The following CAVIN1 variants were observed in gnomAD, a reference collection of about 807,000 sequenced individuals.
The protein encoded by CAVIN1 is caveolae associated protein 1.
A neutral mutation model predicts 24.0 loss-of-function variants in CAVIN1; 16 were observed. That is an observed-to-expected ratio of 0.67 (90% CI 0.45 to 1.01). CAVIN1 has a LOEUF of 1.01. CAVIN1 is among the 50% of genes least tolerant of loss of function. CAVIN1 has a pLI of 0.00. For missense variants in CAVIN1, 510 were observed against 551.7 expected (o/e 0.92, Z 0.76); for synonymous variants, 256 against 256.4 (o/e 1.00, Z 0.02).
rs557826427 is a variant in CAVIN1 at position 42,413,980 on chromosome 17, C to T, written c.472-8592G>A. 2.0e-4 allele frequency among the ~76,000 whole-genome samples: 30 copies of T among 152,262 alleles called. 1 individual carries two copies. Among genetic ancestry groups the T allele is most frequent in the African/African-American group, 6.5e-4 (27 of 41,558 alleles). The stretch of plus-strand genomic sequence containing the variant: ...TGGCGTGATCTTGGCTCACTGCAAC[C>T]TCTGCCTCCTGAGTTCAAGTGATTC... On this transcript the variant is annotated intron_variant, in intron 1 of 1. Coordinates refer to ENST00000357037, the MANE Select transcript of CAVIN1 (RefSeq NM_012232.6).
rs1598574208 is a variant in CAVIN1 at position 42,410,986 on chromosome 17, G to A, written c.472-5598C>T. Among the ~76,000 whole-genome samples the A allele has an allele frequency of 2.1e-5, 3 of 144,646 alleles. No individual in the cohort carries two copies. In the East Asian group the frequency reaches 6.2e-4, roughly 30 times the overall value. 94.9% of individuals were successfully genotyped at this position (144,646 alleles called of 152,430 possible). A position where few individuals can be genotyped will look rare whatever the true frequency, so the allele number is the denominator to read the frequency against. On this transcript the variant is annotated intron_variant, in intron 1 of 1. Coordinates refer to ENST00000357037, the MANE Select transcript of CAVIN1 (RefSeq NM_012232.6). ...TGTAATCCCAGAATTTTGGGAGGCGGGGCAGATCACCTGAGGTCAGGAGTT... is the reference window on the plus strand; with the variant it reads ...TGTAATCCCAGAATTTTGGGAGGCGAGGCAGATCACCTGAGGTCAGGAGTT...
At chr17:42,418,072 G>C (rs2085522752) in intron 1 of CAVIN1, among the ~76,000 whole-genome samples, 1 of 152,060 alleles carries the variant, frequency 6.6e-6, no homozygotes, top group Non-Finnish European at 1.5e-5. Flanking sequence ...TGTAGCCTAG[G>C]AGCAATAGGC....
rs757243784 is a variant in CAVIN1 at position 42,422,756 on chromosome 17, C to A, written c.342G>T (p.Val114=). The A allele has an allele frequency of 5.6e-6, 9 of 1,612,728 alleles. No individual in the cohort carries two copies. Among genetic ancestry groups the A allele is most frequent in the Non-Finnish European group, 7.6e-6 (9 of 1,179,568 alleles). ...TCTTCACGTTGACGCTGACCTTGCG[C>A]ACCTTCTCCAGCAGCTTGCTCACCG... The part of the protein sequence containing the change: ...SNTVSKLLEK[V]RKVSVNVKTV... The change falls in exon 1 of 2, where the codon GTG becomes GTT. Residue 114 remains valine (V), a synonymous_variant. Coordinates refer to ENST00000357037, the MANE Select transcript of CAVIN1 (RefSeq NM_012232.6).
At chr17:42,419,305 G>A (rs1000727800) in intron 1 of CAVIN1, among the ~76,000 whole-genome samples, 63 of 150,190 alleles carry the variant, frequency 4.2e-4, no homozygotes, top group African/African-American at 1.5e-3. Flanking sequence ...ATTTATTGTT[G>A]TTATTATTAT....
chr17:42,415,535 C>T (rs1024953101), intron 1 of CAVIN1, among the ~76,000 whole-genome samples: 1 of 151,694 alleles, frequency 6.6e-6, no homozygotes, highest in Non-Finnish European at 1.5e-5. Context: ...TGTGGAGAAA[C>T]CCCATCTCCA....
chr17:42,405,675 T>G lies in CAVIN1; in HGVS notation c.472-287A>C, dbSNP rs56387576. On this transcript the variant is annotated intron_variant, in intron 1 of 1. Coordinates refer to ENST00000357037, the MANE Select transcript of CAVIN1 (RefSeq NM_012232.6). ...CGCGTCGCCATTCTTTCTCTCTCTC[T>G]CTCCTTGTTTTTTTTTTTTTTTTTT... Among the ~76,000 whole-genome samples, 111,608 of 142,232 alleles carry G rather than the reference T, an allele frequency of 0.78. 45,947 individuals are homozygous for G. Among genetic ancestry groups the G allele is most frequent in the East Asian group, 0.98 (4,804 of 4,896 alleles). 93.3% of individuals were successfully genotyped at this position (142,232 alleles called of 152,430 possible). A position where few individuals can be genotyped will look rare whatever the true frequency, so the allele number is the denominator to read the frequency against.
intron 1 of CAVIN1, among the ~76,000 whole-genome samples, chr17:42,411,166 C>T (rs1251358439): frequency 2.7e-5 from 3 of 110,908 alleles, no homozygotes; most frequent in African/African-American, 1.0e-4. Context: ...GCACTCCAAC[C>T]TGGGTGACAG....
intron 1 of CAVIN1, among the ~76,000 whole-genome samples, chr17:42,413,563 AGG>A (rs145157201): frequency 1.7e-4 from 12 of 71,816 alleles, no homozygotes; most frequent in Non-Finnish European, 2.8e-4. Flanking sequence ...TGTCTCAAAA[AGG>A]GAAAAAAAAA....
In CAVIN1 at chr17:42,404,942, C is replaced by T. The variant is rs2085433531; in HGVS notation, c.918G>A (p.Val306=). Reference sequence around the variant, plus strand: ...CCGCGGTCTTGGAGCGCGCGTACACCACGTGGTCGGGCGTGAAGGATTTGC... The same window carrying T: ...CCGCGGTCTTGGAGCGCGCGTACACTACGTGGTCGGGCGTGAAGGATTTGC... ...KLRKSFTPDH[V]VYARSKTAVY... Residue 306 remains valine, a synonymous_variant, in exon 2 of 2, where the codon GTG becomes GTA. Transcript: ENST00000357037. 6.2e-7 allele frequency: 1 copy of T among 1,614,018 alleles called. No individual in the cohort carries two copies. The highest frequency in any genetic ancestry group is 1.3e-5 in the African/African-American group (1 of 74,932).
intron 1 of CAVIN1, 139 bp downstream of exon 1, chr17:42,422,488 A>C: frequency 5.6e-6 from 2 of 358,058 alleles, no homozygotes; most frequent in Non-Finnish European, 5.4e-6. Flanking sequence ...GCTCACCGGA[A>C]GGAGGGTGGA....
chr17:42,419,383 G>A (rs908986445), intron 1 of CAVIN1, among the ~76,000 whole-genome samples: 42 of 151,842 alleles, frequency 2.8e-4, no homozygotes, highest in African/African-American at 8.5e-4. Context: ...ACACGATCTC[G>A]CTCACTGCAA....
chr17:42,422,997 T>C lies in CAVIN1; in HGVS notation c.101A>G (p.Glu34Gly). 6.2e-7 allele frequency: 1 copy of C among 1,613,262 alleles called. No homozygotes were observed. Among genetic ancestry groups the C allele is most frequent in the Non-Finnish European group, 8.5e-7 (1 of 1,179,880 alleles). The part of the protein sequence containing the change: ...PSSAGAQAAE[E>G]PSGAGSEELI... The stretch of plus-strand genomic sequence containing the variant: ...CTCTTCTGAGCCGGCCCCCGACGGC[T>C]CCTCCGCTGCCTGAGCCCCAGCGGA... The change falls in exon 1 of 2, where the codon GAG becomes GGG. Residue 34 changes from glutamate to glycine, a missense_variant. Transcript: ENST00000357037.
rs938120060 is a variant in CAVIN1, at chr17:42,422,912, G to A, written c.186C>T (p.Ile62=). 6.2e-7 allele frequency: 1 copy of A among 1,613,946 alleles called. No homozygotes were observed. The highest frequency in any genetic ancestry group is 1.3e-5 in the African/African-American group (1 of 74,930). The change falls in exon 1 of 2, where the codon ATC becomes ATT. Residue 62 remains isoleucine (I), a synonymous_variant. Transcript: ENST00000357037. ...VLVLSLLDKI[I]GAVDQIQLTQ... ...TCAGCTGGATCTGGTCTACGGCCCC[G>A]ATGATTTTGTCCAGGAGGCTCAGCA...
intron 1 of CAVIN1, among the ~76,000 whole-genome samples, chr17:42,408,790 CTTTT>C (rs67299164): frequency 8.3e-6 from 1 of 120,842 alleles, no homozygotes; most frequent in Non-Finnish European, 1.7e-5. Flanking sequence ...CGTGCCCGGC[CTTTT>C]TTTTTTTTTT....
intron 1 of CAVIN1, 74 bp downstream of exon 1, chr17:42,422,553 C>T: frequency 1.0e-5 from 13 of 1,265,408 alleles, no homozygotes; most frequent in Non-Finnish European, 1.4e-5. Flanking sequence ...GGCAGGTCTC[C>T]CCACCCCAAC....
At chr17:42,407,841 T>C (rs992133902) in intron 1 of CAVIN1, among the ~76,000 whole-genome samples, 3 of 152,294 alleles carry the variant, frequency 2.0e-5, no homozygotes, top group Admixed American at 2.0e-4. Context: ...GTTCTGAGTG[T>C]AGGAGAGTCT....
intron 1 of CAVIN1, among the ~76,000 whole-genome samples, chr17:42,409,259 C>T (rs1382284077): frequency 6.6e-6 from 1 of 152,058 alleles, no homozygotes; most frequent in East Asian, 1.9e-4. Context: ...CGCCACCATG[C>T]CCAGCTAATT....
At chr17:42,407,652 GCTCT>G (rs936787721) in intron 1 of CAVIN1, among the ~76,000 whole-genome samples, 2 of 152,158 alleles carry the variant, frequency 1.3e-5, no homozygotes, top group African/African-American at 4.8e-5. Context: ...GCCACCTCCA[GCTCT>G]CTGTTACCCA....
chr17:42,418,389 G>A (rs376397039), intron 1 of CAVIN1, among the ~76,000 whole-genome samples: 43 of 152,052 alleles, frequency 2.8e-4, no homozygotes, highest in African/African-American at 9.4e-4. Flanking sequence ...GTGCAACCAC[G>A]CCTGGCTAAT....
Sources: allele counts gnomAD v4.1 joint callset (sites outside exome capture counted in the v4.1 genomes callset), GRCh38; gene constraint gnomAD v4.1.1; transcripts MANE v1.5; gene names NCBI Gene and HGNC (gene_info 2026-07-23, HGNC 2026-07-21).